Variants in DNAH17 observed in about 807,000 individuals in gnomAD.
DNAH17 encodes the protein axonemal beta dynein heavy chain 17.
A neutral mutation model predicts 485.6 loss-of-function variants in DNAH17; 376 were observed. The observed-to-expected ratio is 0.77, with a 90% CI of 0.71 to 0.84. DNAH17 has a LOEUF of 0.84. Ranked by LOEUF, DNAH17 falls within the 40% of genes least tolerant of loss-of-function variation. The pLI, the probability that DNAH17 is intolerant of heterozygous loss-of-function variation, is 0.00. For missense variants in DNAH17, 6,370 were observed against 5,839.3 expected (o/e 1.09, Z -2.96); for synonymous variants, 3,031 against 2,405.9 (o/e 1.26, Z -7.60).
rs1200116846 is a variant in DNAH17 at position 78,498,996 on chromosome 17, AG to A, written c.5745+11del. 7.5e-6 allele frequency: 12 copies of A among 1,597,658 alleles called. No homozygotes were observed. The highest frequency in any genetic ancestry group is 1.0e-5 in the Non-Finnish European group (12 of 1,172,112). On this transcript the variant is annotated intron_variant, in intron 37 of 80. Transcript: ENST00000389840. ...CCGACGTGACCCCGAGGCCGCAGGCAGGGGACTTTACCTGCACGGCAATCAC... is the reference window on the plus strand; with the variant it reads ...CCGACGTGACCCCGAGGCCGCAGGCAGGGACTTTACCTGCACGGCAATCAC...
In DNAH17 at chr17:78,507,503, G is replaced by T; in HGVS notation, c.4539C>A (p.Leu1513=). ...CGTCAAAGCGCTGGGAGTCCCCCGGGAGCTGGGTGCGGATGTCTTCGGAGC... is the reference window on the plus strand; with the variant it reads ...CGTCAAAGCGCTGGGAGTCCCCCGGTAGCTGGGTGCGGATGTCTTCGGAGC... ...FIGSEDIRTQ[L]PGDSQRFDDI... The change falls in exon 28 of 81, where the codon CTC becomes CTA. Residue 1513 remains leucine (L), a synonymous_variant. Coordinates refer to ENST00000389840, the MANE Select transcript of DNAH17 (RefSeq NM_173628.4). 1.9e-6 allele frequency: 3 copies of T among 1,613,230 alleles called. No homozygotes were observed. The highest frequency in any genetic ancestry group is 2.5e-6 in the Non-Finnish European group (3 of 1,179,174).
intron 27 of DNAH17, 148 bp from the exon 28 acceptor site, chr17:78,507,953 T>C: frequency 2.8e-6 from 2 of 704,940 alleles, no homozygotes; most frequent in South Asian, 3.9e-5. Flanking sequence ...CAAAGGCAGA[T>C]CCAACCCGAA....
chr17:78,436,306 T>C (rs2146442766), intron 74 of DNAH17, among the ~76,000 whole-genome samples: 1 of 152,302 alleles, frequency 6.6e-6, no homozygotes, highest in East Asian at 1.9e-4. Context: ...TGGGTGTCTG[T>C]AATCCCAGCT....
intron 49 of DNAH17, 49 bp from the exon 50 acceptor site, chr17:78,479,681 G>T: frequency 6.2e-7 from 1 of 1,604,496 alleles, no homozygotes. Context: ...TTGGGGACCT[G>T]CCTGGGGCCA....
At chr17:78,576,682 G>C (rs368269831) in intron 1 of DNAH17, among the ~76,000 whole-genome samples, 8 of 152,306 alleles carry the variant, frequency 5.3e-5, no homozygotes, top group East Asian at 1.9e-4. Context: ...CGCCAAGCTG[G>C]TCAGGCGACT....
chr17:78,542,590 A>G (rs2091626321), intron 17 of DNAH17, among the ~76,000 whole-genome samples: 1 of 152,182 alleles, frequency 6.6e-6, no homozygotes, highest in Admixed American at 6.5e-5. Flanking sequence ...CCTACAATAC[A>G]ATGTCAGGAC....
chr17:78,507,320 C>T lies in DNAH17; in HGVS notation c.4634G>A (p.Ser1545Asn). 2 of 1,614,026 alleles carry T rather than the reference C, an allele frequency of 1.2e-6. No homozygotes were observed. Among genetic ancestry groups the T allele is most frequent in the Non-Finnish European group, 8.5e-7 (1 of 1,179,898 alleles). ...VKTPNVVEAT[S>N]KPGLYNKLEA... is the part of the protein sequence containing the mutation. ...CAGTTTATTGTAGAGGCCGGGTTTGCTGGTGGCTTCCACCACGTTGGGTGT... is the reference window on the plus strand; with the variant it reads ...CAGTTTATTGTAGAGGCCGGGTTTGTTGGTGGCTTCCACCACGTTGGGTGT... Residue 1545 changes from serine to asparagine, a missense_variant, in exon 29 of 81, where the codon AGC becomes AAC. Coordinates refer to ENST00000389840, the MANE Select transcript of DNAH17 (RefSeq NM_173628.4).
In DNAH17 at chr17:78,457,952, C is replaced by T. The variant is rs1378091831; in HGVS notation, c.9977+613G>A. Among the ~76,000 whole-genome samples, 9 of 151,618 alleles carry T rather than the reference C, an allele frequency of 5.9e-5. No homozygotes were observed. The South Asian group carries it at 1.0e-3, about 18-fold the overall frequency. On this transcript the variant is annotated intron_variant, in intron 62 of 80. Transcript: ENST00000389840. ...CTGGGATTACAGGCGTGAGCCACTG[C>T]GCCCAGCTAGTCTGGCTAATTTTTG...
At position 78,492,675 on chromosome 17, in the gene DNAH17, G is replaced by C. The variant is rs771224562; in HGVS notation, c.6499C>G (p.Leu2167Val). ...GTCACTGGGTTGATGATGCCAAAGA[G>C]CTCGTCGCAGGTGACGGCCTTGGGG... is the stretch of plus-strand genomic sequence containing the variant. Reference protein sequence around the residue: ...LDPKAVTCDELFGIINPVTRE... With the variant: ...LDPKAVTCDEVFGIINPVTRE... The change falls in exon 42 of 81, where the codon CTC becomes GTC. Residue 2167 changes from leucine (L) to valine (V), a missense_variant. Physicochemically the swap from Leu to Val is conservative, Grantham distance 32. Coordinates refer to ENST00000389840, the MANE Select transcript of DNAH17 (RefSeq NM_173628.4). 2 of 1,613,684 alleles carry C rather than the reference G, an allele frequency of 1.2e-6. No individual in the cohort carries two copies. The highest frequency in any genetic ancestry group is 1.7e-6 in the Non-Finnish European group (2 of 1,179,814).
intron 33 of DNAH17, 179 bp from the exon 34 acceptor site, chr17:78,502,052 T>G: frequency 2.6e-6 from 2 of 779,132 alleles, no homozygotes; most frequent in Non-Finnish European, 4.0e-6. Flanking sequence ...GGTGCGGCCC[T>G]GATGGGACAC....
At chr17:78,441,328 T>C in intron 71 of DNAH17, 129 bp from the exon 72 acceptor site, 1 of 1,021,724 alleles carries the variant, frequency 9.8e-7, no homozygotes, top group Non-Finnish European at 1.4e-6. Context: ...ACAAGGCCTG[T>C]GGCAGGAGAG....
chr17:78,481,107 CTTTT>C lies in DNAH17; in HGVS notation c.7650-325_7650-322del, dbSNP rs34712569. ...ACCACGCCCGCCCCCCATCCCCCGG[CTTTT>C]TTTTTTTTTGAGATGGAGTCTCACT... On this transcript the variant is annotated intron_variant, in intron 48 of 80. Transcript: ENST00000389840. Among the ~76,000 whole-genome samples, 634 of 129,412 alleles carry C rather than the reference CTTTT, an allele frequency of 4.9e-3. 4 individuals carry two copies. The highest frequency in any genetic ancestry group is 0.018 in the African/African-American group (603 of 33,998). 84.9% of individuals were successfully genotyped at this position (129,412 alleles called of 152,430 possible).
At chr17:78,469,822 G>A (rs117281573) in intron 54 of DNAH17, among the ~76,000 whole-genome samples, 587 of 152,252 alleles carry the variant, frequency 3.9e-3, no homozygotes, top group South Asian at 0.013. Flanking sequence ...AGCCAGACAC[G>A]AAAGGACAAA....
In DNAH17 at chr17:78,536,768, G is replaced by A. The variant is rs1017782751; in HGVS notation, c.2859+531C>T. ...TGTCGGGGGGTTGGAAGGATGATGA[G>A]GGAATGAAACCCAGGCAGGTTGACT... On this transcript the variant is annotated intron_variant, in intron 19 of 80. Transcript: ENST00000389840. Among the ~76,000 whole-genome samples the A allele has an allele frequency of 4.1e-5, 6 of 146,948 alleles. No individual in the cohort carries two copies. In the East Asian group the frequency reaches 1.1e-3, roughly 27 times the overall value.
chr17:78,462,732 A>G (rs2088198902), intron 57 of DNAH17, 112 bp downstream of exon 57: 3 of 987,290 alleles, frequency 3.0e-6, no homozygotes, highest in East Asian at 5.1e-5. Flanking sequence ...ATCTTACTTT[A>G]GGCAGTGCTG....
chr17:78,434,336 TGG>T (rs201246853), intron 74 of DNAH17, 116 bp from the exon 75 acceptor site: 21 of 910,264 alleles, frequency 2.3e-5, no homozygotes, highest in Non-Finnish European at 3.2e-5. Flanking sequence ...GTGGGGGCGG[TGG>T]GGGGTACAAA....
At chr17:78,499,202 GTT>G in intron 36 of DNAH17, 90 bp from the exon 37 acceptor site, 2 of 963,276 alleles carry the variant, frequency 2.1e-6, no homozygotes, top group Non-Finnish European at 3.0e-6. Context: ...CTTCGGCTGT[GTT>G]TTCTCTTCCC....
intron 75 of DNAH17, among the ~76,000 whole-genome samples, chr17:78,430,163 G>A (rs1008252574): frequency 3.3e-5 from 5 of 152,166 alleles, no homozygotes; most frequent in African/African-American, 9.7e-5. Context: ...TGTTCTTCCC[G>A]CCTCCATGTG....
At chr17:78,567,352 T>C (rs926994743) in intron 9 of DNAH17, among the ~76,000 whole-genome samples, 186 bp from the exon 10 acceptor site, 6 of 152,024 alleles carry the variant, frequency 3.9e-5, no homozygotes, top group Non-Finnish European at 7.4e-5. Context: ...TTCCATCCCC[T>C]GCAGAAAGAG....
Sources: gnomAD v4.1 joint callset for allele counts (sites outside exome capture counted in the v4.1 genomes callset) on GRCh38, gnomAD v4.1.1 for gene constraint, MANE v1.5 for transcripts, NCBI Gene and HGNC (gene_info 2026-07-23, HGNC 2026-07-21) for gene names.